The following XKR4 variants were observed in gnomAD, a reference collection of about 807,000 sequenced individuals.
XKR4 encodes the protein XK-related protein 4.
Under a neutral mutation model 53.9 loss-of-function variants are expected in XKR4, and 12 were observed. The ratio of observed to expected loss-of-function variants is 0.22; its 90% CI spans 0.14 to 0.36. XKR4 has a LOEUF of 0.36. Among genes scored for constraint, XKR4 ranks in the 10% least tolerant of loss-of-function variants. XKR4 has a pLI of 1.00. For synonymous variants in XKR4, 354 were observed against 362.4 expected, an observed-to-expected ratio of 0.98 and a Z score of 0.26; for missense variants, 799 against 859.5, an observed-to-expected ratio of 0.93 and a Z score of 0.88.
At chr8:55,200,456 C>G (rs558105298) in intron 1 of XKR4, among the ~76,000 whole-genome samples, 2 of 152,180 alleles carry the variant, frequency 1.3e-5, no homozygotes, top group Admixed American at 1.3e-4. Context: ...ATATTCAGAA[C>G]TTTTGGTGGA....
At chr8:55,314,469 C>T (rs1234280921) in intron 1 of XKR4, among the ~76,000 whole-genome samples, 1 of 152,118 alleles carries the variant, frequency 6.6e-6, no homozygotes, top group South Asian at 2.1e-4. Flanking sequence ...ACCATTTGTC[C>T]CGACATTCAG....
At position 55,530,276 on chromosome 8, in the gene XKR4, T is replaced by C. The variant is rs1355120368; in HGVS notation, c.*6049T>C. 6.6e-6 allele frequency: 1 copy of C among 152,220 alleles called. No individual in the cohort carries two copies. The highest frequency in any genetic ancestry group is 1.9e-4 in the East Asian group (1 of 5,204). The allele number at this position is 152,220 out of a possible 1,614,324, so 9.4% of individuals were successfully genotyped here. ...TAATTCTGTTTCACTGCCATAATTTTTCCCTAAATTTTATTTAATATCTTG... is the reference window on the plus strand; with the variant it reads ...TAATTCTGTTTCACTGCCATAATTTCTCCCTAAATTTTATTTAATATCTTG... On this transcript the variant is annotated 3_prime_UTR_variant, in exon 3 of 3. Transcript: ENST00000327381.
intron 2 of XKR4, among the ~76,000 whole-genome samples, chr8:55,391,607 A>G (rs570793560): frequency 6.6e-6 from 1 of 152,198 alleles, no homozygotes; most frequent in Non-Finnish European, 1.5e-5. Flanking sequence ...AGGGTAAACC[A>G]AAATAAAGAA....
At chr8:55,454,550 T>C in intron 2 of XKR4, 1 of 1,432,494 alleles carries the variant, frequency 7.0e-7, no homozygotes, top group Admixed American at 2.0e-5. Flanking sequence ...CAGCTGCTGA[T>C]GGGCAGGGAG....
At chr8:55,519,891 A>C (rs2129405626) in intron 2 of XKR4, among the ~76,000 whole-genome samples, 1 of 152,380 alleles carries the variant, frequency 6.6e-6, no homozygotes, top group Admixed American at 6.5e-5. Flanking sequence ...TGATAAAGTC[A>C]GTTGACAATT....
intron 2 of XKR4, among the ~76,000 whole-genome samples, chr8:55,391,943 C>G (rs1804449157): frequency 6.6e-6 from 1 of 152,078 alleles, no homozygotes; most frequent in Non-Finnish European, 1.5e-5. Flanking sequence ...TACTATCGAT[C>G]ATTTTGTAAC....
intron 1 of XKR4, among the ~76,000 whole-genome samples, chr8:55,205,400 C>A (rs779009781): frequency 1.3e-5 from 2 of 152,018 alleles, no homozygotes; most frequent in Non-Finnish European, 2.9e-5. Context: ...AGAGACTGTT[C>A]CTTCTATTCT....
chr8:55,440,112 A>G (rs1805242851), intron 2 of XKR4, among the ~76,000 whole-genome samples: 1 of 152,214 alleles, frequency 6.6e-6, no homozygotes, highest in African/African-American at 2.4e-5. Context: ...ATTTTAAAAA[A>G]CTATCAGCCT....
intron 1 of XKR4, among the ~76,000 whole-genome samples, chr8:55,200,639 C>G (rs1235752142): frequency 6.6e-6 from 1 of 152,142 alleles, no homozygotes; most frequent in Non-Finnish European, 1.5e-5. Context: ...TTCTCTAATT[C>G]AGATTTGCAA....
intron 1 of XKR4, among the ~76,000 whole-genome samples, chr8:55,161,160 G>T (rs1390149309): frequency 6.6e-6 from 1 of 152,104 alleles, no homozygotes; most frequent in Non-Finnish European, 1.5e-5. Flanking sequence ...TGGGCTGGGG[G>T]TTCCATCCTT....
intron 2 of XKR4, among the ~76,000 whole-genome samples, chr8:55,421,493 T>C (rs1175185311): frequency 3.3e-5 from 5 of 152,080 alleles, no homozygotes; most frequent in Non-Finnish European, 7.3e-5. Flanking sequence ...ATTCTGACAC[T>C]AAGAGGAGAC....
chr8:55,465,458 T>C (rs1187970740), intron 2 of XKR4, among the ~76,000 whole-genome samples: 1 of 151,910 alleles, frequency 6.6e-6, no homozygotes, highest in Non-Finnish European at 1.5e-5. Context: ...ACTGGATCCC[T>C]TCCTTACACC....
intron 2 of XKR4, among the ~76,000 whole-genome samples, chr8:55,467,640 T>C (rs1333458038): frequency 6.6e-6 from 1 of 152,180 alleles, no homozygotes; most frequent in South Asian, 2.1e-4. Context: ...TCCCCAACAC[T>C]GGGTATTATC....
intron 1 of XKR4, among the ~76,000 whole-genome samples, chr8:55,351,449 G>A (rs958018257): frequency 2.0e-5 from 3 of 152,100 alleles, no homozygotes; most frequent in African/African-American, 4.8e-5. Flanking sequence ...AAGTCCCTGG[G>A]GAGCATGTTT....
At chr8:55,170,013 A>G (rs1280222995) in intron 1 of XKR4, among the ~76,000 whole-genome samples, 2 of 152,176 alleles carry the variant, frequency 1.3e-5, no homozygotes, top group Non-Finnish European at 2.9e-5. Flanking sequence ...TAACTTAGTT[A>G]TTTCATAGTT....
chr8:55,452,775 G>T, intron 2 of XKR4: 1 of 796,262 alleles, frequency 1.3e-6, no homozygotes, highest in Non-Finnish European at 2.3e-6. Context: ...ATAGCTCTCA[G>T]CCACACTGCC....
chr8:55,283,055 G>T (rs114255210), intron 1 of XKR4, among the ~76,000 whole-genome samples: 3,976 of 152,192 alleles, frequency 0.026, 182 homozygotes, highest in African/African-American at 0.089. Flanking sequence ...TGCTGTACAG[G>T]TGTGTAGCCT....
intron 2 of XKR4, among the ~76,000 whole-genome samples, chr8:55,448,740 G>A (rs189148641): frequency 6.6e-6 from 1 of 152,322 alleles, no homozygotes; most frequent in Admixed American, 6.5e-5. Context: ...TAGTCAACCT[G>A]GTAGGCTGAA....
At chr8:55,153,257 T>C (rs1816862757) in intron 1 of XKR4, among the ~76,000 whole-genome samples, 1 of 152,350 alleles carries the variant, frequency 6.6e-6, no homozygotes, top group Middle Eastern at 3.4e-3. Context: ...AACTGAGTTA[T>C]AGAAAAGCTT....
Sources: allele counts gnomAD v4.1 joint callset (sites outside exome capture counted in the v4.1 genomes callset), GRCh38; gene constraint gnomAD v4.1.1; transcripts MANE v1.5; gene names NCBI Gene and HGNC (gene_info 2026-07-23, HGNC 2026-07-21).